The following GALT variants were observed in gnomAD, a reference collection of about 807,000 sequenced individuals.
GALT encodes the protein UDP-glucose--hexose-1-phosphate uridylyltransferase.
In GALT, 42 loss-of-function variants were observed where a neutral mutation model predicts 55.4. That is an observed-to-expected ratio of 0.76 (90% CI 0.59 to 0.98). The LOEUF (loss-of-function observed/expected upper bound fraction) is 0.98, where lower values mean the gene tolerates loss of function less well. Among genes scored for constraint, GALT ranks in the 50% least tolerant of loss-of-function variants. GALT has a pLI of 0.00. For synonymous variants in GALT, 154 were observed against 181.5 expected (o/e 0.85, Z 1.22); for missense variants, 407 against 495.7 (o/e 0.82, Z 1.70).
At chr9:34,649,615 G>C in intron 10 of GALT, 51 bp downstream of exon 10, 1 of 1,598,302 alleles carries the variant, frequency 6.3e-7, no homozygotes. Context: ...TGCAGTATGT[G>C]CAGGCACCTG....
rs1217543872 is a variant in GALT at position 34,649,009 on chromosome 9, A to G, written c.832A>G (p.Ile278Val). The G allele has an allele frequency of 1.2e-6, 2 of 1,613,992 alleles. No individual in the cohort carries two copies. The highest frequency in any genetic ancestry group is 1.7e-6 in the Non-Finnish European group (2 of 1,180,032). Residue 278 changes from isoleucine to valine, a missense_variant, in exon 9 of 11, where the codon ATC becomes GTC. By Grantham distance (29) the Ile-to-Val change is conservative. Transcript: ENST00000378842. Reference sequence around the variant, plus strand: ...GGCTCTGATTCCAGATCTAGCCTCCATCATGAAGAAGCTCTTGACCAAGTA... The same window carrying G: ...GGCTCTGATTCCAGATCTAGCCTCCGTCATGAAGAAGCTCTTGACCAAGTA... ...TPAERDDLAS[I>V]MKKLLTKYDN... is the part of the protein sequence containing the mutation.
intron 1 of GALT, 134 bp downstream of exon 1, chr9:34,646,920 GT>G: frequency 3.7e-6 from 6 of 1,606,432 alleles, no homozygotes; most frequent in Non-Finnish European, 5.1e-6. Context: ...CTGCAGGCCT[GT>G]ACGAGCAGCA....
In GALT at chr9:34,647,388, G is replaced by C. The variant is rs1038909434; in HGVS notation, c.253-104G>C. 1.9e-6 allele frequency: 3 copies of C among 1,572,542 alleles called. No homozygotes were observed. The highest frequency in any genetic ancestry group is 2.6e-6 in the Non-Finnish European group (3 of 1,142,704). ...TCCCACCAAGCTTTTTGGTCCCCTA[G>C]GGTGGGCCTTCCCTACTCCCTTGTA... is the stretch of plus-strand genomic sequence containing the variant. On this transcript the variant is annotated intron_variant, in intron 2 of 10. Transcript: ENST00000378842. This position sits in a 1 kb window ranked among gnomAD's most constrained non-coding sequence, Gnocchi z 5.6.
Position 34,650,564 on chromosome 9 carries a change from C to A in GALT, c.*115C>A. 1 of 853,712 alleles carries A rather than the reference C, an allele frequency of 1.2e-6. No individual in the cohort carries two copies. Among genetic ancestry groups the A allele is most frequent in the Non-Finnish European group, 1.9e-6 (1 of 522,552 alleles). 52.9% of individuals were successfully genotyped at this position (853,712 alleles called of 1,614,324 possible). On this transcript the variant is annotated 3_prime_UTR_variant, in exon 11 of 11. Transcript: ENST00000378842. ...TTGGGCAGATATAGCATTAATAAAA[C>A]TGTGCATCTCAAACTTTTATCACAT...
chr9:34,650,501 G>C lies in GALT; in HGVS notation c.*52G>C. 2.6e-6 allele frequency: 4 copies of C among 1,536,342 alleles called. No homozygotes were observed. Among genetic ancestry groups the C allele is most frequent in the Non-Finnish European group, 3.6e-6 (4 of 1,110,486 alleles). On this transcript the variant is annotated 3_prime_UTR_variant, in exon 11 of 11. Transcript: ENST00000378842. ...CTTTTTTGTTTTCAACAGTCTTGCT[G>C]AATTAAGCAGAAAGGGCCTTGAATC...
rs899958621 is a variant in GALT, at chr9:34,649,298, G to C, written c.905-112G>C. ...TCTCCTGCCAGCTCTTCTCAAGCAG[G>C]GGATCCTGGGAGATGTAGTTTTCAG... is the stretch of plus-strand genomic sequence containing the variant. On this transcript the variant is annotated intron_variant, in intron 9 of 10. Coordinates refer to ENST00000378842, the MANE Select transcript of GALT (RefSeq NM_000155.4). The C allele has an allele frequency of 2.8e-6, 4 of 1,445,598 alleles. No homozygotes were observed. In the African/African-American group the frequency reaches 4.2e-5, roughly 15 times the overall value. The allele number at this position is 1,445,598 out of a possible 1,614,324, so 89.5% of individuals were successfully genotyped here.
Position 34,650,747 on chromosome 9 carries a change from T to C in GALT, c.*298T>C. 1 of 375,752 alleles carries C rather than the reference T, an allele frequency of 2.7e-6. No homozygotes were observed. Among genetic ancestry groups the C allele is most frequent in the East Asian group, 5.4e-5 (1 of 18,464 alleles). The allele number at this position is 375,752 out of a possible 1,614,324, so 23.3% of individuals were successfully genotyped here. A position where few individuals can be genotyped will look rare whatever the true frequency, so the allele number is the denominator to read the frequency against. On this transcript the variant is annotated 3_prime_UTR_variant, in exon 11 of 11. Coordinates refer to ENST00000378842, the MANE Select transcript of GALT (RefSeq NM_000155.4). Reference sequence around the variant, plus strand: ...CAAAATTAATATTCAGTATTATATCTAGCCTATAGATTCTCTTACTCTTGG... The same window carrying C: ...CAAAATTAATATTCAGTATTATATCCAGCCTATAGATTCTCTTACTCTTGG...
intron 10 of GALT, 69 bp from the exon 11 acceptor site, chr9:34,650,300 G>GAAAAAAAAA (rs1406959631): frequency 2.3e-6 from 1 of 442,838 alleles, no homozygotes; most frequent in Non-Finnish European, 3.6e-6. Flanking sequence ...AAAAAAAAAT[G>GAAAAAAAAA]AAGTCCATGC....
In GALT at chr9:34,647,895, C is replaced by G; in HGVS notation, c.441C>G (p.Ile147Met). ...TGCCACTCATGTCGGTCCCTGAGAT[C>G]CGGGCTGTTGTTGATGCATGGGCCT... The part of the protein sequence containing the change: ...VTLPLMSVPE[I>M]RAVVDAWASV... Residue 147 changes from isoleucine to methionine, a missense_variant, in exon 5 of 11, where the codon ATC (isoleucine) becomes ATG (methionine). By Grantham distance (10) the Ile-to-Met change is conservative (BLOSUM62 1). Transcript: ENST00000378842. The surrounding 1 kb of genome is among the most constrained non-coding windows in gnomAD (Gnocchi z 5.6). 1 of 1,614,216 alleles carries G rather than the reference C, an allele frequency of 6.2e-7. No homozygotes were observed. The highest frequency in any genetic ancestry group is 8.5e-7 in the Non-Finnish European group (1 of 1,180,040).
At position 34,646,814 on chromosome 9, in the gene GALT, G is replaced by A. The variant is rs559067704; in HGVS notation, c.82+28G>A. The A allele has an allele frequency of 1.7e-5, 28 of 1,613,064 alleles. No homozygotes were observed. In the South Asian group the frequency reaches 2.5e-4, roughly 15 times the overall value. ...AACTGCACCGCGGCAGGGACTCGCT[G>A]GGGCGCGGAGCCGAGCCCTCCCCTT... On this transcript the variant is annotated intron_variant, in intron 1 of 10. Coordinates refer to ENST00000378842, the MANE Select transcript of GALT (RefSeq NM_000155.4).
At position 34,649,041 on chromosome 9, in the gene GALT, C is replaced by A. The variant is rs372134800; in HGVS notation, c.864C>A (p.Asn288Lys). 1 of 1,614,110 alleles carries A rather than the reference C, an allele frequency of 6.2e-7. No homozygotes were observed. Among genetic ancestry groups the A allele is most frequent in the Non-Finnish European group, 8.5e-7 (1 of 1,180,018 alleles). ...IMKKLLTKYD[N>K]LFETSFPYSM... The stretch of plus-strand genomic sequence containing the variant: ...AGAAGCTCTTGACCAAGTATGACAA[C>A]CTCTTTGAGACGTCCTTTCCCTACT... Residue 288 changes from asparagine to lysine, a missense_variant, in exon 9 of 11, where the codon AAC becomes AAA. Coordinates refer to ENST00000378842, the MANE Select transcript of GALT (RefSeq NM_000155.4).
rs771930483 is a variant in GALT, at chr9:34,646,785, C to A, written c.81C>A (p.Asn27Lys). 5 of 1,613,524 alleles carry A rather than the reference C, an allele frequency of 3.1e-6. No homozygotes were observed. Among genetic ancestry groups the A allele is most frequent in the South Asian group, 1.1e-5 (1 of 91,084 alleles). ...CCGCAGCAGCAACCTTCCGGGCAAACGGTAACTGCACCGCGGCAGGGACTC... is the reference window on the plus strand; with the variant it reads ...CCGCAGCAGCAACCTTCCGGGCAAAAGGTAACTGCACCGCGGCAGGGACTC... The part of the protein sequence containing the change: ...ADAAAATFRA[N>K]DHQHIRYNPL... The change falls in exon 1 of 11, where the codon AAC becomes AAA. Residue 27 changes from asparagine (N) to lysine (K), a missense_variant and splice_region_variant. Transcript: ENST00000378842.
chr9:34,647,712 A>C lies in GALT; in HGVS notation c.377+7A>C, dbSNP rs376026879. 3 of 1,614,070 alleles carry C rather than the reference A, an allele frequency of 1.9e-6. No individual in the cohort carries two copies. Among genetic ancestry groups the C allele is most frequent in the Non-Finnish European group, 2.5e-6 (3 of 1,180,002 alleles). The stretch of plus-strand genomic sequence containing the variant: ...AGTCTGCTCGAGGAGTCTGGTAACT[A>C]TGGATTTCCCCTCTTACAACTTTCA... On this transcript the variant is annotated splice_region_variant and intron_variant, in intron 4 of 10. Transcript: ENST00000378842. This position sits in a 1 kb window ranked among gnomAD's most constrained non-coding sequence, Gnocchi z 5.6.
chr9:34,647,166 C>A lies in GALT; in HGVS notation c.160C>A (p.Gln54Lys). 8 of 1,614,182 alleles carry A rather than the reference C, an allele frequency of 5.0e-6. No homozygotes were observed. Among genetic ancestry groups the A allele is most frequent in the Non-Finnish European group, 5.9e-6 (7 of 1,180,024 alleles). Residue 54 changes from glutamine to lysine, a missense_variant, in exon 2 of 11, where the codon CAG becomes AAG. Coordinates refer to ENST00000378842, the MANE Select transcript of GALT (RefSeq NM_000155.4). The surrounding 1 kb of genome is among the most constrained non-coding windows in gnomAD (Gnocchi z 5.6). ...AGCTCACCGCATGAAGCGGCCCTGG[C>A]AGGGTCAAGTGGAGCCCCAGCTTCT... ...VSAHRMKRPW[Q>K]GQVEPQLLKT...
Position 34,648,601 on chromosome 9 carries a change from A to G in GALT, c.687+145A>G, listed in dbSNP as rs929465530. On this transcript the variant is annotated intron_variant, in intron 7 of 10. Transcript: ENST00000378842. This position sits in a 1 kb window ranked among gnomAD's most constrained non-coding sequence, Gnocchi z 4.9. ...TAGCAATAATCCAGTAATCTAAAGG[A>G]AAGATGATGGTGACTTAGACTCGGG... is the stretch of plus-strand genomic sequence containing the variant. 6.6e-6 allele frequency: 10 copies of G among 1,504,682 alleles called. No homozygotes were observed. The highest frequency in any genetic ancestry group is 8.3e-6 in the Non-Finnish European group (9 of 1,087,010). 93.2% of individuals were successfully genotyped at this position (1,504,682 alleles called of 1,614,324 possible). A position where few individuals can be genotyped will look rare whatever the true frequency, so the allele number is the denominator to read the frequency against.
intron 10 of GALT, chr9:34,649,888 A>G (rs1396556107): frequency 3.1e-6 from 1 of 326,566 alleles, no homozygotes; most frequent in African/African-American, 2.1e-5. Flanking sequence ...CCAGCCTCAC[A>G]ATCCCACAGG....
rs111033665 is a variant in GALT at position 34,647,247 on chromosome 9, G to C, written c.241G>C (p.Ala81Pro). ...LNPLCPGAIR[A>P]NGEVNPQYDS... The stretch of plus-strand genomic sequence containing the variant: ...CCCTCTGTGTCCTGGGGCCATCCGA[G>C]CCAACGGAGAGGTAAGCCTGTAGAG... Residue 81 changes from alanine (A) to proline (P), a missense_variant, in exon 2 of 11, where the codon GCC becomes CCC. Transcript: ENST00000378842. The surrounding 1 kb of genome is among the most constrained non-coding windows in gnomAD (Gnocchi z 5.6). 2 of 1,614,116 alleles carry C rather than the reference G, an allele frequency of 1.2e-6. No individual in the cohort carries two copies. Among genetic ancestry groups the C allele is most frequent in the Non-Finnish European group, 1.7e-6 (2 of 1,180,002 alleles).
In GALT at chr9:34,647,333, CAGGGAT is replaced by C; in HGVS notation, c.252+78_252+83del. Reference sequence around the variant, plus strand: ...CCCTCTTAGAACTGTCCTCCACCCACAGGGATAGTGAACCTCCTTCTGGGTCATATC... The same window carrying C: ...CCCTCTTAGAACTGTCCTCCACCCACAGTGAACCTCCTTCTGGGTCATATC... On this transcript the variant is annotated intron_variant, in intron 2 of 10. Transcript: ENST00000378842. This position sits in a 1 kb window ranked among gnomAD's most constrained non-coding sequence, Gnocchi z 5.6. 1.2e-6 allele frequency: 2 copies of C among 1,603,278 alleles called. No individual in the cohort carries two copies. Among genetic ancestry groups the C allele is most frequent in the South Asian group, 2.2e-5 (2 of 90,842 alleles).
rs960526230 is a variant in GALT at position 34,647,243 on chromosome 9, C to T, written c.237C>T (p.Ile79=). The T allele has an allele frequency of 6.2e-7, 1 of 1,613,980 alleles. No individual in the cohort carries two copies. The highest frequency in any genetic ancestry group is 8.5e-7 in the Non-Finnish European group (1 of 1,179,990). The change falls in exon 2 of 11, where the codon ATC becomes ATT. Residue 79 remains isoleucine, a synonymous_variant. Transcript: ENST00000378842. The surrounding 1 kb of genome is among the most constrained non-coding windows in gnomAD (Gnocchi z 5.6). ...DPLNPLCPGA[I]RANGEVNPQY... ...TCAACCCTCTGTGTCCTGGGGCCAT[C>T]CGAGCCAACGGAGAGGTAAGCCTGT...
Sources: allele counts gnomAD v4.1 joint callset, GRCh38; gene constraint gnomAD v4.1.1; non-coding constraint Gnocchi (gnomAD v3.1); transcripts MANE v1.5; gene names NCBI Gene and HGNC (gene_info 2026-07-23, HGNC 2026-07-21).